Variants in FRMPD1 observed in about 807,000 individuals in gnomAD.
FRMPD1 encodes FERM and PDZ domain containing 1.
A neutral mutation model predicts 117.8 loss-of-function variants in FRMPD1; 76 were observed. The observed-to-expected ratio is 0.65, with a 90% CI of 0.54 to 0.78. The LOEUF is 0.78. FRMPD1 is among the 30% of genes least tolerant of loss of function. FRMPD1 has a pLI of 0.00. For missense variants in FRMPD1, 1,786 were observed against 1,964.5 expected (o/e 0.91, Z 1.72); for synonymous variants, 783 against 770.4 (o/e 1.02, Z -0.27).
chr9:37,715,748 G>T, intron 5 of FRMPD1: 1 of 455,658 alleles, frequency 2.2e-6, no homozygotes, highest in South Asian at 1.6e-5. Flanking sequence ...CTGATGTTCA[G>T]GTATAAAAGT....
the FRMPD1 span, among the ~76,000 whole-genome samples, chr9:37,637,964 CTTTCTTTCT>C: frequency 6.1e-3 from 195 of 32,142 alleles, 25 homozygotes; most frequent in African/African-American, 0.017. Context: ...ATGGTGTATG[CTTTCTTTCT>C]TTCTTTCTTT....
Position 37,745,548 on chromosome 9 carries a change from G to A in FRMPD1, c.3516G>A (p.Gln1172=). 6 of 1,614,106 alleles carry A rather than the reference G, an allele frequency of 3.7e-6. No homozygotes were observed. Among genetic ancestry groups the A allele is most frequent in the Non-Finnish European group, 4.2e-6 (5 of 1,179,986 alleles). Residue 1172 remains glutamine (Q), a synonymous_variant, in exon 16 of 16, where the codon CAG becomes CAA. Transcript: ENST00000377765. ...ATGCTCCTGTAACAGGGACCGAGCA[G>A]ATCCCACCACATCCCCCTAGAGACC... ...SLDAPVTGTE[Q]IPPHPPRDPQ... is the part of the protein sequence containing the mutation.
intron 2 of FRMPD1, among the ~76,000 whole-genome samples, chr9:37,706,634 T>C (rs1013756896): frequency 2.6e-5 from 4 of 152,210 alleles, no homozygotes; most frequent in Non-Finnish European, 5.9e-5. Context: ...AAAATATTAC[T>C]TTCCTGCTTT....
chr9:37,745,292 G>C lies in FRMPD1; in HGVS notation c.3260G>C (p.Cys1087Ser), dbSNP rs774084919. Reference sequence around the variant, plus strand: ...AGAGATGAGCCTAGAAGTGATGAATGTGGAATAAATCCAGGAGAGAAGATA... The same window carrying C: ...AGAGATGAGCCTAGAAGTGATGAATCTGGAATAAATCCAGGAGAGAAGATA... Reference protein sequence around the residue: ...SPRDEPRSDECGINPGEKIAS... With the variant: ...SPRDEPRSDESGINPGEKIAS... Residue 1087 changes from cysteine to serine, a missense_variant, in exon 16 of 16, where the codon TGT (cysteine) becomes TCT (serine). Coordinates refer to ENST00000377765, the MANE Select transcript of FRMPD1 (RefSeq NM_014907.3). 2 of 1,611,954 alleles carry C rather than the reference G, an allele frequency of 1.2e-6. No homozygotes were observed. Among genetic ancestry groups the C allele is most frequent in the Non-Finnish European group, 1.7e-6 (2 of 1,177,986 alleles).
At chr9:37,732,656 A>G (rs1169181875) in intron 10 of FRMPD1, among the ~76,000 whole-genome samples, 4 of 152,248 alleles carry the variant, frequency 2.6e-5, no homozygotes, top group African/African-American at 9.6e-5. Context: ...TCCAGATGGA[A>G]TGTCACAGGA....
chr9:37,697,436 A>G (rs372985733), intron 2 of FRMPD1, among the ~76,000 whole-genome samples: 24 of 151,374 alleles, frequency 1.6e-4, no homozygotes, highest in South Asian at 4.2e-4. Context: ...GCGTGGTGGC[A>G]GGCGCCTGTA....
chr9:37,617,355 C>T, the FRMPD1 span, among the ~76,000 whole-genome samples: 1 of 152,202 alleles, frequency 6.6e-6, no homozygotes, highest in Non-Finnish European at 1.5e-5. Context: ...GCATTCAGTA[C>T]ATGCCAGAGC....
At chr9:37,673,594 C>T (rs1234842973) in intron 1 of FRMPD1, among the ~76,000 whole-genome samples, 3 of 152,252 alleles carry the variant, frequency 2.0e-5, no homozygotes, top group Non-Finnish European at 4.4e-5. Flanking sequence ...CATTTCCCTT[C>T]CGCACTACCC....
chr9:37,637,803 T>C, the FRMPD1 span, among the ~76,000 whole-genome samples: 1 of 152,090 alleles, frequency 6.6e-6, no homozygotes, highest in Non-Finnish European at 1.5e-5. Context: ...GGTGGGAAGG[T>C]GCATTGAGAA....
chr9:37,703,991 A>G (rs73445147), intron 2 of FRMPD1, among the ~76,000 whole-genome samples: 1,694 of 152,314 alleles, frequency 0.011, 32 homozygotes, highest in African/African-American at 0.038. Flanking sequence ...TTGTGTAGAC[A>G]TTTATTTTCA....
rs1824342910 is a variant in FRMPD1 at position 37,740,506 on chromosome 9, G to A, written c.1978G>A (p.Asp660Asn). Reference sequence around the variant, plus strand: ...AACCAGTGGCTTCCTCTGTCTCCTGGACCTGGCCCAGAGAGCCAACCCCCA... The same window carrying A: ...AACCAGTGGCTTCCTCTGTCTCCTGAACCTGGCCCAGAGAGCCAACCCCCA... ...IETSGFLCLL[D>N]LAQRANPQCQ... Residue 660 changes from aspartate to asparagine, a missense_variant, in exon 15 of 16, where the codon GAC becomes AAC. Physicochemically the swap from Asp to Asn is conservative, Grantham distance 23. Coordinates refer to ENST00000377765, the MANE Select transcript of FRMPD1 (RefSeq NM_014907.3). This position sits in a 1 kb window ranked among gnomAD's most constrained non-coding sequence, Gnocchi z 4.2. 1 of 1,614,194 alleles carries A rather than the reference G, an allele frequency of 6.2e-7. No homozygotes were observed. Among genetic ancestry groups the A allele is most frequent in the East Asian group, 2.2e-5 (1 of 44,886 alleles).
At chr9:37,616,402 C>G in the FRMPD1 span, among the ~76,000 whole-genome samples, 2 of 152,180 alleles carry the variant, frequency 1.3e-5, no homozygotes, top group African/African-American at 4.8e-5. Context: ...CAGGCATGAG[C>G]CACTGCGCCC....
intron 1 of FRMPD1, among the ~76,000 whole-genome samples, chr9:37,664,316 T>C (rs1821092714): frequency 6.6e-6 from 1 of 152,032 alleles, no homozygotes. Flanking sequence ...TATTTATTTA[T>C]TTATTTTTAC....
rs529916572 is a variant in FRMPD1 at position 37,664,070 on chromosome 9, C to T, written c.-5+12976C>T. Among the ~76,000 whole-genome samples the T allele has an allele frequency of 2.0e-5, 3 of 152,240 alleles. No homozygotes were observed. In the East Asian group the frequency reaches 5.8e-4, roughly 29 times the overall value. ...AGCATGACAGACGCCCAAGAGCTATCACCTGAATAAATGAATAACTGAATA... is the reference window on the plus strand; with the variant it reads ...AGCATGACAGACGCCCAAGAGCTATTACCTGAATAAATGAATAACTGAATA... On this transcript the variant is annotated intron_variant, in intron 1 of 15. Transcript: ENST00000377765.
chr9:37,707,151 C>G (rs1335845337), intron 2 of FRMPD1, among the ~76,000 whole-genome samples: 1 of 152,224 alleles, frequency 6.6e-6, no homozygotes, highest in Non-Finnish European at 1.5e-5. Flanking sequence ...AAACTGCTCT[C>G]CCCCTTCTCT....
At chr9:37,638,574 G>A in the FRMPD1 span, among the ~76,000 whole-genome samples, 3 of 152,190 alleles carry the variant, frequency 2.0e-5, no homozygotes, top group Admixed American at 6.5e-5. Context: ...ATCCCAGAGA[G>A]GGGGGTCTTA....
At chr9:37,632,527 G>C in the FRMPD1 span, among the ~76,000 whole-genome samples, 2 of 152,090 alleles carry the variant, frequency 1.3e-5, no homozygotes, top group African/African-American at 4.8e-5. Context: ...TCTCTTCTGC[G>C]TAGGCTTTAT....
rs200808359 is a variant in FRMPD1, at chr9:37,692,742, G to A, written c.101G>A (p.Arg34Gln). Reference sequence around the variant, plus strand: ...CGGCGCTCCCGGGACAGCTCGGCCCGGTAAGCCTCCTGAGTTTGCAGATTT... The same window carrying A: ...CGGCGCTCCCGGGACAGCTCGGCCCAGTAAGCCTCCTGAGTTTGCAGATTT... ...WLRRSRDSSA[R>Q]AKVAAADGPA... The change falls in exon 2 of 16, where the codon CGG (arginine) becomes CAG (glutamine). Residue 34 changes from arginine (R) to glutamine (Q), a missense_variant and splice_region_variant. Transcript: ENST00000377765. The A allele has an allele frequency of 2.3e-4, 367 of 1,607,730 alleles. 1 individual carries two copies. In the Admixed American group the frequency reaches 3.8e-3, roughly 17 times the overall value.
chr9:37,638,004 CTT>C, the FRMPD1 span, among the ~76,000 whole-genome samples: 3 of 125,638 alleles, frequency 2.4e-5, 1 homozygote, highest in Non-Finnish European at 5.1e-5. Flanking sequence ...TTCTTTCTTT[CTT>C]TCTTTCTTTC....
Sources: gnomAD v4.1 joint callset for allele counts (sites outside exome capture counted in the v4.1 genomes callset) on GRCh38, gnomAD v4.1.1 for gene constraint, Gnocchi (gnomAD v3.1) non-coding constraint, MANE v1.5 for transcripts, NCBI Gene and HGNC (gene_info 2026-07-23, HGNC 2026-07-21) for gene names.